The following ATAD2B variants were observed in gnomAD, a reference collection of about 807,000 sequenced individuals.
ATAD2B encodes ATPase family AAA domain containing 2B, also known as ATPase family AAA domain-containing protein 2B.
A neutral mutation model predicts 167.6 loss-of-function variants in ATAD2B; 40 were observed. The observed-to-expected ratio is 0.24, with a 90% CI of 0.19 to 0.31. The LOEUF (loss-of-function observed/expected upper bound fraction) is 0.31. Ranked by LOEUF, ATAD2B falls within the 10% of genes least tolerant of loss-of-function variation. The pLI, the probability that ATAD2B is intolerant of heterozygous loss-of-function variation, is 1.00. For synonymous variants in ATAD2B, 579 were observed against 596.5 expected, an observed-to-expected ratio of 0.97 and a Z score of 0.43; for missense variants, 1,242 against 1,757.2, an observed-to-expected ratio of 0.71 and a Z score of 5.24.
chr2:23,722,862 C>A, the ATAD2B span, among the ~76,000 whole-genome samples: 1 of 152,146 alleles, frequency 6.6e-6, no homozygotes, highest in African/African-American at 2.4e-5. Flanking sequence ...ACAGAATCTC[C>A]ATCAGAATAA....
rs534626365 is a variant in ATAD2B, at chr2:23,896,590, AGTAT to A, written c.217-624_217-621del. ...TCCCTCAGACCCTCCTAAATACTCC[AGTAT>A]GTACCTCCCAAAACAAGGGCACTTT... On this transcript the variant is annotated intron_variant, in intron 1 of 27. Coordinates refer to ENST00000238789, the MANE Select transcript of ATAD2B (RefSeq NM_017552.4). Among the ~76,000 whole-genome samples, 264 of 152,266 alleles carry A rather than the reference AGTAT, an allele frequency of 1.7e-3. 1 individual carries two copies. The highest frequency in any genetic ancestry group is 6.1e-3 in the African/African-American group (254 of 41,566).
intron 1 of ATAD2B, among the ~76,000 whole-genome samples, chr2:23,924,718 A>C (rs558706544): frequency 6.6e-6 from 1 of 152,356 alleles, no homozygotes; most frequent in East Asian, 1.9e-4. Context: ...ACATTTTAAA[A>C]GGATCTTTGA....
the ATAD2B span, among the ~76,000 whole-genome samples, chr2:23,720,266 A>G: frequency 1.3e-5 from 2 of 152,082 alleles, no homozygotes; most frequent in African/African-American, 4.8e-5. Context: ...AGACCTACCT[A>G]TGGTGATCAA....
rs538518639 is a variant in ATAD2B at position 23,795,884 on chromosome 2, AAAAAAAG to A, written c.2640+2247_2640+2253del. Among the ~76,000 whole-genome samples, 584 of 152,012 alleles carry A rather than the reference AAAAAAAG, an allele frequency of 3.8e-3. 6 individuals are homozygous for A. Among genetic ancestry groups the A allele is most frequent in the African/African-American group, 0.012 (488 of 41,466 alleles). ...GCTGAGTGAGACTCCATCTCAAAAA[AAAAAAAG>A]AAAAAAGAAAAAAGAAAGCAAGCAT... On this transcript the variant is annotated intron_variant, in intron 19 of 27. Coordinates refer to ENST00000238789, the MANE Select transcript of ATAD2B (RefSeq NM_017552.4).
At chr2:23,818,141 CAGAG>C (rs746020532) in intron 17 of ATAD2B, among the ~76,000 whole-genome samples, 1,503 of 94,492 alleles carry the variant, frequency 0.016, 35 homozygotes, top group East Asian at 0.037. Context: ...CACACACACA[CAGAG>C]AGAGAGAAGG....
At chr2:23,921,230 ACAAC>A (rs1703891564) in intron 1 of ATAD2B, among the ~76,000 whole-genome samples, 1 of 141,544 alleles carries the variant, frequency 7.1e-6, no homozygotes, top group African/African-American at 2.6e-5. Flanking sequence ...AAAAAAAAAA[ACAAC>A]CCAAAGAAAT....
intron 22 of ATAD2B, among the ~76,000 whole-genome samples, chr2:23,780,519 A>T (rs1462882297): frequency 2.6e-5 from 4 of 152,178 alleles, no homozygotes; most frequent in African/African-American, 9.7e-5. Flanking sequence ...GAAGCAAAAA[A>T]TATCTAATTT....
At chr2:23,814,379 G>A (rs748911642) in intron 17 of ATAD2B, among the ~76,000 whole-genome samples, 15 of 152,118 alleles carry the variant, frequency 9.9e-5, no homozygotes, top group South Asian at 4.1e-4. Flanking sequence ...TAGTAAAAAA[G>A]TTAATATACA....
intron 1 of ATAD2B, among the ~76,000 whole-genome samples, chr2:23,905,956 G>A (rs932802482): frequency 6.6e-6 from 1 of 152,170 alleles, no homozygotes; most frequent in African/African-American, 2.4e-5. Context: ...ACAAATTGGT[G>A]TAGTCTCAGT....
At chr2:23,726,197 G>T in the ATAD2B span, among the ~76,000 whole-genome samples, 2 of 152,168 alleles carry the variant, frequency 1.3e-5, no homozygotes, top group Non-Finnish European at 2.9e-5. Context: ...ATCAAAGGAT[G>T]AGTGGATAAA....
At chr2:23,817,090 T>C (rs186825073) in intron 17 of ATAD2B, among the ~76,000 whole-genome samples, 50 of 152,310 alleles carry the variant, frequency 3.3e-4, no homozygotes, top group Non-Finnish European at 2.9e-5. Context: ...AGACTATATG[T>C]TGCCCATACT....
chr2:23,910,720 T>C (rs56104215), intron 1 of ATAD2B, among the ~76,000 whole-genome samples: 18,309 of 150,468 alleles, frequency 0.12, 1,191 homozygotes, highest in Middle Eastern at 0.22. Context: ...ATACAAAAAT[T>C]AGCTGGGCGT....
chr2:23,781,777 G>C (rs914896588), intron 22 of ATAD2B, among the ~76,000 whole-genome samples: 63 of 150,870 alleles, frequency 4.2e-4, no homozygotes, highest in African/African-American at 1.5e-3. Flanking sequence ...TTTGAGAAAG[G>C]CTGCTGTTTC....
At chr2:23,871,606 G>A (rs867430418) in intron 8 of ATAD2B, among the ~76,000 whole-genome samples, 1 of 152,244 alleles carries the variant, frequency 6.6e-6, no homozygotes, top group Middle Eastern at 3.4e-3. Context: ...AATAAAAGTA[G>A]AACACTGAAC....
the ATAD2B span, among the ~76,000 whole-genome samples, chr2:23,719,612 T>G: frequency 6.6e-6 from 1 of 152,170 alleles, no homozygotes; most frequent in East Asian, 1.9e-4. Context: ...GACTTCCACA[T>G]CCATGACACC....
At chr2:23,885,638 C>T (rs1698557660) in intron 5 of ATAD2B, 89 bp downstream of exon 5, 1 of 713,844 alleles carries the variant, frequency 1.4e-6, no homozygotes, top group Non-Finnish European at 2.2e-6. Flanking sequence ...CATGCTAATT[C>T]AAAAACATCC....
chr2:23,782,848 C>T (rs755239544), intron 22 of ATAD2B, 21 bp downstream of exon 22: 1 of 1,592,498 alleles, frequency 6.3e-7, no homozygotes, highest in Non-Finnish European at 8.6e-7. Context: ...TCAAGGGGAA[C>T]CTTGCCCTAT....
At chr2:23,926,466 A>C in intron 1 of ATAD2B, 89 bp downstream of exon 1, 1 of 1,483,730 alleles carries the variant, frequency 6.7e-7, no homozygotes, top group East Asian at 2.5e-5. Flanking sequence ...TCTCCACTGT[A>C]GGCTTCCTAC....
chr2:23,879,862 CTGGCCAGCA>C (rs1697589369), intron 7 of ATAD2B, among the ~76,000 whole-genome samples: 1 of 151,938 alleles, frequency 6.6e-6, no homozygotes, highest in Non-Finnish European at 1.5e-5. Flanking sequence ...CGAGACCAGC[CTGGCCAGCA>C]TGGTGAAACC....
Sources: gnomAD v4.1 joint callset for allele counts (sites outside exome capture counted in the v4.1 genomes callset) on GRCh38, gnomAD v4.1.1 for gene constraint, MANE v1.5 for transcripts, NCBI Gene and HGNC (gene_info 2026-07-23, HGNC 2026-07-21) for gene names.